The following CPSF2 variants were observed in gnomAD, a reference collection of about 807,000 sequenced individuals.
The protein encoded by CPSF2 is cleavage and polyadenylation specificity factor subunit 2.
In CPSF2, 51 loss-of-function variants were observed where a neutral mutation model predicts 84.2. The ratio of observed to expected loss-of-function variants is 0.61; its 90% CI spans 0.48 to 0.77. CPSF2 has a LOEUF of 0.77. Ranked by LOEUF, CPSF2 falls within the 30% of genes least tolerant of loss-of-function variation. The pLI, the probability that CPSF2 is intolerant of heterozygous loss-of-function variation, is 0.00. For synonymous variants in CPSF2, 286 were observed against 311.9 expected (o/e 0.92, Z 0.87); for missense variants, 641 against 929.4 (o/e 0.69, Z 4.03).
intron 6 of CPSF2, among the ~76,000 whole-genome samples, chr14:92,137,432 C>A (rs915987747): frequency 1.3e-5 from 2 of 152,144 alleles, no homozygotes; most frequent in Non-Finnish European, 2.9e-5. Flanking sequence ...TGGTCTTGAA[C>A]TACTGGGCTC....
In CPSF2 at chr14:92,167,842, A is replaced by C. The variant is rs760105061; in HGVS notation, c.*6098A>C. On this transcript the variant is annotated 3_prime_UTR_variant, in exon 16 of 16. Transcript: ENST00000298875. ...ATATTGATGGACTGATTATCACTTA[A>C]AGGGTATAAACAGTGGGTAGTAATT... The C allele has an allele frequency of 6.6e-5, 10 of 151,542 alleles. No homozygotes were observed. Among genetic ancestry groups the C allele is most frequent in the African/African-American group, 2.4e-4 (10 of 41,236 alleles). 9.4% of individuals were successfully genotyped at this position (151,542 alleles called of 1,614,324 possible).
Position 92,169,953 on chromosome 14 carries a change from C to T in CPSF2, c.*8209C>T, listed in dbSNP as rs2069497618. 1 of 152,052 alleles carries T rather than the reference C, an allele frequency of 6.6e-6. No homozygotes were observed. The allele number at this position is 152,052 out of a possible 1,614,324, so 9.4% of individuals were successfully genotyped here. A position where few individuals can be genotyped will look rare whatever the true frequency, so the allele number is the denominator to read the frequency against. On this transcript the variant is annotated 3_prime_UTR_variant, in exon 16 of 16. Transcript: ENST00000298875. ...AGGAGTTTGAGACCAACCTGGGCAACATAGTGAGAACTCATCTCTATTAAA... is the reference window on the plus strand; with the variant it reads ...AGGAGTTTGAGACCAACCTGGGCAATATAGTGAGAACTCATCTCTATTAAA...
rs1375556621 is a variant in CPSF2 at position 92,129,028 on chromosome 14, T to G, written c.-34-1923T>G. On this transcript the variant is annotated intron_variant, in intron 2 of 15. Coordinates refer to ENST00000298875, the MANE Select transcript of CPSF2 (RefSeq NM_017437.3). ...ATGTGGAAGACTAATAGTGAACTGCTGGGTGGCAAGAGCTTTAATGGGACT... is the reference window on the plus strand; with the variant it reads ...ATGTGGAAGACTAATAGTGAACTGCGGGGTGGCAAGAGCTTTAATGGGACT... Among the ~76,000 whole-genome samples, 2 of 152,142 alleles carry G rather than the reference T, an allele frequency of 1.3e-5. 1 individual carries two copies. The highest frequency in any genetic ancestry group is 3.9e-4 in the East Asian group (2 of 5,188).
At chr14:92,141,348 T>C (rs2141464654) in intron 7 of CPSF2, among the ~76,000 whole-genome samples, 1 of 152,298 alleles carries the variant, frequency 6.6e-6, no homozygotes, top group South Asian at 2.1e-4. Flanking sequence ...TATTGTTTTT[T>C]TGAGGCAAAG....
Position 92,161,660 on chromosome 14 carries a change from T to C in CPSF2, c.2265T>C (p.Thr755=). ...NNQVAVRRTE[T]GRIGLEGCLC... ...TTTTATTTGGTTTCTAGACGGAAAC[T>C]GGACGCATTGGATTAGAAGGCTGCC... is the stretch of plus-strand genomic sequence containing the variant. Residue 755 remains threonine (T), a synonymous_variant, in exon 16 of 16, where the codon ACT becomes ACC. Coordinates refer to ENST00000298875, the MANE Select transcript of CPSF2 (RefSeq NM_017437.3). 6.3e-7 allele frequency: 1 copy of C among 1,583,758 alleles called. No homozygotes were observed. Among genetic ancestry groups the C allele is most frequent in the African/African-American group, 1.4e-5 (1 of 72,768 alleles).
At position 92,159,290 on chromosome 14, in the gene CPSF2, A is replaced by C; in HGVS notation, c.2121+8A>C. 1 of 1,561,588 alleles carries C rather than the reference A, an allele frequency of 6.4e-7. No homozygotes were observed. The highest frequency in any genetic ancestry group is 8.7e-7 in the Non-Finnish European group (1 of 1,155,360). On this transcript the variant is annotated splice_region_variant and intron_variant, in intron 14 of 15. Coordinates refer to ENST00000298875, the MANE Select transcript of CPSF2 (RefSeq NM_017437.3). ...CCCTTGCCACCTCATGAGGTAAAAA[A>C]AGCATGTGCTTTTTTGATTTCTTCC...
chr14:92,147,776 T>G (rs2069161657), intron 9 of CPSF2, among the ~76,000 whole-genome samples: 1 of 152,204 alleles, frequency 6.6e-6, no homozygotes, highest in Non-Finnish European at 1.5e-5. Context: ...CAGGCTGGAG[T>G]GCAGTTGCAT....
Position 92,141,256 on chromosome 14 carries a change from A to G in CPSF2, c.662-908A>G, listed in dbSNP as rs908729372. Among the ~76,000 whole-genome samples the G allele has an allele frequency of 4.2e-4, 64 of 152,216 alleles. 1 individual carries two copies. Among genetic ancestry groups the G allele is most frequent in the Admixed American group, 4.1e-3 (62 of 15,286 alleles). On this transcript the variant is annotated intron_variant, in intron 7 of 15. Coordinates refer to ENST00000298875, the MANE Select transcript of CPSF2 (RefSeq NM_017437.3). ...ACAGTGTAACAACCATTTACATAGCATGTACACTGTATTAGGTATTATAAG... is the reference window on the plus strand; with the variant it reads ...ACAGTGTAACAACCATTTACATAGCGTGTACACTGTATTAGGTATTATAAG...
In CPSF2 at chr14:92,169,765, C is replaced by T. The variant is rs949300316; in HGVS notation, c.*8021C>T. 1.3e-5 allele frequency: 2 copies of T among 150,006 alleles called. No individual in the cohort carries two copies. Among genetic ancestry groups the T allele is most frequent in the African/African-American group, 4.9e-5 (2 of 40,668 alleles). 9.3% of individuals were successfully genotyped at this position (150,006 alleles called of 1,614,324 possible). A position where few individuals can be genotyped will look rare whatever the true frequency, so the allele number is the denominator to read the frequency against. ...TTACTGCCTATTAAGAAAAGCTTCA[C>T]ATTTATTTCAGCTATTCTATTGAAT... is the stretch of plus-strand genomic sequence containing the variant. On this transcript the variant is annotated 3_prime_UTR_variant, in exon 16 of 16. Coordinates refer to ENST00000298875, the MANE Select transcript of CPSF2 (RefSeq NM_017437.3).
intron 1 of CPSF2, 31 bp from the exon 2 acceptor site, chr14:92,126,091 C>T (rs987523002): frequency 6.6e-6 from 1 of 152,072 alleles, no homozygotes; most frequent in African/African-American, 2.4e-5. Flanking sequence ...ATCATAATAC[C>T]ACATTCATAA....
chr14:92,151,522 A>G (rs1370928003), intron 9 of CPSF2, among the ~76,000 whole-genome samples: 1 of 152,174 alleles, frequency 6.6e-6, no homozygotes, highest in Non-Finnish European at 1.5e-5. Context: ...CCTTGAAGAA[A>G]CTACCACTTT....
Position 92,154,368 on chromosome 14 carries a change from G to T in CPSF2, c.1151G>T (p.Arg384Leu). 1 of 1,598,566 alleles carries T rather than the reference G, an allele frequency of 6.3e-7. No individual in the cohort carries two copies. The highest frequency in any genetic ancestry group is 1.1e-5 in the South Asian group (1 of 88,032). The change falls in exon 10 of 16, where the codon CGT becomes CTT. Residue 384 changes from arginine (R) to leucine (L), a missense_variant. Arg to Leu is a moderately radical substitution (Grantham distance 102). This residue lies in a region of CPSF2 where 430 missense variants were observed against 553.6 expected (regional missense o/e 0.78). Transcript: ENST00000298875. ...TTTATTTTTTTTTAGTTGAGGAAAC[G>T]TGTGAAGCTTGAAGGGAAAGAACTT... Reference protein sequence around the residue: ...EKITEIELRKRVKLEGKELEE... With the variant: ...EKITEIELRKLVKLEGKELEE...
At chr14:92,141,222 T>TA (rs201640592) in intron 7 of CPSF2, among the ~76,000 whole-genome samples, 113 of 151,024 alleles carry the variant, frequency 7.5e-4, no homozygotes, top group African/African-American at 2.3e-3. Flanking sequence ...AAAATATAAG[T>TA]AAAAAAAAAC....
intron 9 of CPSF2, among the ~76,000 whole-genome samples, chr14:92,145,107 G>T (rs372880377): frequency 3.3e-5 from 5 of 152,200 alleles, no homozygotes; most frequent in African/African-American, 1.2e-4. Context: ...AATTGATATA[G>T]TGGGATGGTT....
rs996955675 is a variant in CPSF2 at position 92,166,140 on chromosome 14, G to A, written c.*4396G>A. 3 of 151,988 alleles carry A rather than the reference G, an allele frequency of 2.0e-5. No homozygotes were observed. Among genetic ancestry groups the A allele is most frequent in the Admixed American group, 6.6e-5 (1 of 15,254 alleles). 9.4% of individuals were successfully genotyped at this position (151,988 alleles called of 1,614,324 possible). A position where few individuals can be genotyped will look rare whatever the true frequency, so the allele number is the denominator to read the frequency against. On this transcript the variant is annotated 3_prime_UTR_variant, in exon 16 of 16. Coordinates refer to ENST00000298875, the MANE Select transcript of CPSF2 (RefSeq NM_017437.3). ...GCCCCCAAAAGTGCTGAGATTACAG[G>A]TGTGAGCCACCTTGCCTGGCCTTGG... is the stretch of plus-strand genomic sequence containing the variant.
chr14:92,168,858 T>C lies in CPSF2; in HGVS notation c.*7114T>C, dbSNP rs1401271354. 6.6e-6 allele frequency: 1 copy of C among 152,156 alleles called. No homozygotes were observed. The highest frequency in any genetic ancestry group is 2.4e-5 in the African/African-American group (1 of 41,440). 9.4% of individuals were successfully genotyped at this position (152,156 alleles called of 1,614,324 possible). On this transcript the variant is annotated 3_prime_UTR_variant, in exon 16 of 16. Coordinates refer to ENST00000298875, the MANE Select transcript of CPSF2 (RefSeq NM_017437.3). ...CTGCACTGAGTCTTGAATGAATGAA[T>C]CCATCTCTCTTTCTCTCTCCATATA... is the stretch of plus-strand genomic sequence containing the variant.
intron 9 of CPSF2, among the ~76,000 whole-genome samples, chr14:92,149,536 G>A (rs531454258): frequency 1.6e-4 from 25 of 152,318 alleles, no homozygotes; most frequent in African/African-American, 5.8e-4. Context: ...AGGATTGCTT[G>A]AGGCCAGGAG....
In CPSF2 at chr14:92,161,308, A is replaced by C. The variant is rs140010245; in HGVS notation, c.2256+62A>C. 1,939 of 1,512,432 alleles carry C rather than the reference A, an allele frequency of 1.3e-3. 20 individuals carry two copies. The African/African-American group carries it at 0.025, about 19-fold the overall frequency. 93.7% of individuals were successfully genotyped at this position (1,512,432 alleles called of 1,614,324 possible). ...TACGTCTGATGTTTTGTCATTTTGAAATTCTGTAATTCTTGTTTGGTATTT... is the reference window on the plus strand; with the variant it reads ...TACGTCTGATGTTTTGTCATTTTGACATTCTGTAATTCTTGTTTGGTATTT... On this transcript the variant is annotated intron_variant, in intron 15 of 15. Transcript: ENST00000298875.
In CPSF2 at chr14:92,122,024, A is replaced by T; in HGVS notation, c.-198A>T. 3.3e-6 allele frequency: 2 copies of T among 606,454 alleles called. No individual in the cohort carries two copies. Among genetic ancestry groups the T allele is most frequent in the South Asian group, 1.9e-5 (1 of 51,464 alleles). 37.6% of individuals were successfully genotyped at this position (606,454 alleles called of 1,614,324 possible). A position where few individuals can be genotyped will look rare whatever the true frequency, so the allele number is the denominator to read the frequency against. On this transcript the variant is annotated 5_prime_UTR_variant, in exon 1 of 16. Coordinates refer to ENST00000298875, the MANE Select transcript of CPSF2 (RefSeq NM_017437.3). ...CACTGTGGGGCTTCTGCCGGCCGGT[A>T]GTCCCTGGCGCTGCTGACCCAGCAT...
Sources: allele counts gnomAD v4.1 joint callset (sites outside exome capture counted in the v4.1 genomes callset), GRCh38; gene constraint gnomAD v4.1.1; regional missense constraint gnomAD v4.1.1; transcripts MANE v1.5; gene names NCBI Gene and HGNC (gene_info 2026-07-23, HGNC 2026-07-21).